CPNE4: variants seen among roughly 807,000 people sequenced by gnomAD.
CPNE4 encodes copine-4.
A neutral mutation model predicts 67.9 loss-of-function variants in CPNE4; 25 were observed. The observed-to-expected ratio is 0.37, with a 90% CI of 0.27 to 0.51. CPNE4 has a LOEUF of 0.51. Among genes scored for constraint, CPNE4 ranks in the 20% least tolerant of loss-of-function variants. The pLI, the probability that CPNE4 is intolerant of heterozygous loss-of-function variation, is 0.93. For synonymous variants in CPNE4, 242 were observed against 244.9 expected, an observed-to-expected ratio of 0.99 and a Z score of 0.11; for missense variants, 464 against 690.8, an observed-to-expected ratio of 0.67 and a Z score of 3.68.
chr3:131,819,453 A>G (rs970670940), intron 2 of CPNE4, among the ~76,000 whole-genome samples: 1 of 150,940 alleles, frequency 6.6e-6, no homozygotes, highest in African/African-American at 2.4e-5. Context: ...TGCATTTTAC[A>G]GTAAAGGGAC....
Position 131,899,746 on chromosome 3 carries a change from T to G in CPNE4, c.180+5518A>C, listed in dbSNP as rs1446973169. On this transcript the variant is annotated intron_variant, in intron 2 of 15. Coordinates refer to ENST00000429747, the MANE Select transcript of CPNE4 (RefSeq NM_130808.3). ...TTAATTCATCACATAAATGTTAATATTGCTTGTCCCATTTTCATAAAAGTT... is the reference window on the plus strand; with the variant it reads ...TTAATTCATCACATAAATGTTAATAGTGCTTGTCCCATTTTCATAAAAGTT... Among the ~76,000 whole-genome samples, 3 of 152,156 alleles carry G rather than the reference T, an allele frequency of 2.0e-5. No homozygotes were observed. In the East Asian group the frequency reaches 5.8e-4, roughly 29 times the overall value.
chr3:131,705,122 A>G (rs910293126), intron 3 of CPNE4, among the ~76,000 whole-genome samples: 13 of 150,980 alleles, frequency 8.6e-5, no homozygotes, highest in African/African-American at 2.9e-4. Flanking sequence ...TTTCCCTTCA[A>G]TTGAAAATTT....
At chr3:131,969,568 AT>A (rs1278434860) in intron 1 of CPNE4, among the ~76,000 whole-genome samples, 1 of 151,784 alleles carries the variant, frequency 6.6e-6, no homozygotes, top group Non-Finnish European at 1.5e-5. Context: ...CTGTTTTCTG[AT>A]TTTTTTTCTT....
intron 1 of CPNE4, among the ~76,000 whole-genome samples, chr3:131,963,979 G>T (rs1482553385): frequency 6.6e-6 from 1 of 152,134 alleles, no homozygotes; most frequent in Admixed American, 6.5e-5. Context: ...GAAGAGCTCT[G>T]GCTGGCATCT....
chr3:131,666,656 A>T (rs12636642), intron 7 of CPNE4, among the ~76,000 whole-genome samples: 8,728 of 152,286 alleles, frequency 0.057, 755 homozygotes, highest in East Asian at 0.39. Context: ...AAATCCATAA[A>T]TTGTTAATAA....
At chr3:132,004,762 T>C (rs777878410) in intron 1 of CPNE4, among the ~76,000 whole-genome samples, 4 of 152,204 alleles carry the variant, frequency 2.6e-5, no homozygotes, top group Middle Eastern at 3.4e-3. Flanking sequence ...CATGAGCCAC[T>C]ATGGTTAAGC....
intron 2 of CPNE4, among the ~76,000 whole-genome samples, chr3:131,761,418 T>A (rs545113004): frequency 9.2e-5 from 14 of 151,830 alleles, no homozygotes; most frequent in South Asian, 4.2e-4. Flanking sequence ...ATTACCAAAG[T>A]CACAAAACAC....
chr3:131,720,353 C>T (rs1254357164), intron 3 of CPNE4, among the ~76,000 whole-genome samples: 2 of 146,166 alleles, frequency 1.4e-5, no homozygotes, highest in East Asian at 2.0e-4. Context: ...GGCATGATCT[C>T]GGCTCAATGC....
chr3:131,993,020 T>C lies in CPNE4; in HGVS notation c.-2+41547A>G, dbSNP rs920370617. 3.7e-5 allele frequency among the ~76,000 whole-genome samples: 5 copies of C among 136,316 alleles called. 1 individual carries two copies. Among genetic ancestry groups the C allele is most frequent in the African/African-American group, 1.2e-4 (5 of 40,720 alleles). 89.4% of individuals were successfully genotyped at this position (136,316 alleles called of 152,430 possible). On this transcript the variant is annotated intron_variant, in intron 1 of 15. Transcript: ENST00000429747. Reference sequence around the variant, plus strand: ...TATAAATTACCCAGTCTTGGGTATGTCTTTATTAGCAGCATGAGAATGGAC... The same window carrying C: ...TATAAATTACCCAGTCTTGGGTATGCCTTTATTAGCAGCATGAGAATGGAC...
At chr3:131,935,696 T>C (rs1046530617) in intron 1 of CPNE4, among the ~76,000 whole-genome samples, 3 of 152,044 alleles carry the variant, frequency 2.0e-5, no homozygotes, top group Non-Finnish European at 4.4e-5. Flanking sequence ...GCCTTGGTAA[T>C]GTGGCTTTGA....
chr3:131,902,099 T>G (rs2088576469), intron 2 of CPNE4, among the ~76,000 whole-genome samples: 1 of 151,990 alleles, frequency 6.6e-6, no homozygotes, highest in African/African-American at 2.4e-5. Context: ...TATTATTATA[T>G]CCTTACTGTA....
chr3:131,708,957 GATATATATATATAT>G lies in CPNE4; in HGVS notation c.361-8991_361-8978del, dbSNP rs202119937. Among the ~76,000 whole-genome samples, 179 of 65,848 alleles carry G rather than the reference GATATATATATATAT, an allele frequency of 2.7e-3. 6 individuals carry two copies. The highest frequency in any genetic ancestry group is 0.032 in the Middle Eastern group (2 of 62). The allele number at this position is 65,848 out of a possible 152,430, so 43.2% of individuals were successfully genotyped here. On this transcript the variant is annotated intron_variant, in intron 3 of 15. Transcript: ENST00000429747. ...AAAAATCAGTGTCTGAGGGCATAAA[GATATATATATATAT>G]ATATATATATATATATATATATATA...
intron 2 of CPNE4, among the ~76,000 whole-genome samples, chr3:131,727,290 G>A (rs1583091764): frequency 6.6e-6 from 1 of 152,120 alleles, no homozygotes; most frequent in East Asian, 1.9e-4. Context: ...CTCATGAGAA[G>A]CTTTTAAAAA....
chr3:131,761,196 C>T (rs1009965481), intron 2 of CPNE4, among the ~76,000 whole-genome samples: 2 of 145,804 alleles, frequency 1.4e-5, no homozygotes, highest in African/African-American at 5.0e-5. Context: ...AGGCTTCTTC[C>T]ACCTCACTTC....
At chr3:131,732,516 T>C (rs375495279) in intron 2 of CPNE4, among the ~76,000 whole-genome samples, 10 of 152,158 alleles carry the variant, frequency 6.6e-5, no homozygotes, top group African/African-American at 2.4e-4. Flanking sequence ...GAGGAACCCA[T>C]GGTGTACCCT....
chr3:131,735,907 C>T (rs1365015234), intron 2 of CPNE4, among the ~76,000 whole-genome samples: 1 of 152,222 alleles, frequency 6.6e-6, no homozygotes, highest in African/African-American at 2.4e-5. Context: ...CAACTTCTCT[C>T]CCCTACCTCC....
chr3:131,796,559 C>T (rs1255943626), intron 2 of CPNE4, among the ~76,000 whole-genome samples: 1 of 152,116 alleles, frequency 6.6e-6, no homozygotes, highest in Non-Finnish European at 1.5e-5. Flanking sequence ...TACATTTTTT[C>T]TAAGTCAATT....
At chr3:131,924,355 C>T (rs927109298) in intron 1 of CPNE4, among the ~76,000 whole-genome samples, 1 of 152,286 alleles carries the variant, frequency 6.6e-6, no homozygotes, top group Non-Finnish European at 1.5e-5. Flanking sequence ...GTGAACTTAG[C>T]TCAAGCACTT....
At chr3:131,959,794 CT>C (rs1442491685) in intron 1 of CPNE4, among the ~76,000 whole-genome samples, 1 of 152,160 alleles carries the variant, frequency 6.6e-6, no homozygotes, top group Non-Finnish European at 1.5e-5. Flanking sequence ...GAGCTGCCCA[CT>C]CACACAAAGC....
Sources: allele counts gnomAD v4.1 joint callset (sites outside exome capture counted in the v4.1 genomes callset), GRCh38; gene constraint gnomAD v4.1.1; transcripts MANE v1.5; gene names NCBI Gene and HGNC (gene_info 2026-07-23, HGNC 2026-07-21).